Variants in PLCB1 observed in about 807,000 individuals in gnomAD.
PLCB1 encodes the protein 1-phosphatidylinositol 4,5-bisphosphate phosphodiesterase beta-1.
Under a neutral mutation model 161.8 loss-of-function variants are expected in PLCB1, and 46 were observed. The ratio of observed to expected loss-of-function variants is 0.28; its 90% CI spans 0.22 to 0.36. The LOEUF (loss-of-function observed/expected upper bound fraction) is 0.36, where lower values mean the gene tolerates loss of function less well. Ranked by LOEUF, PLCB1 falls within the 10% of genes least tolerant of loss-of-function variation. The probability of loss-of-function intolerance (pLI) is 1.00; values close to 1 mark genes in which losing one functional copy is unlikely to be tolerated. For synonymous variants in PLCB1, 517 were observed against 503.7 expected, an observed-to-expected ratio of 1.03 and a Z score of -0.35; for missense variants, 1,016 against 1,472.5, an observed-to-expected ratio of 0.69 and a Z score of 5.07.
intron 3 of PLCB1, 159 bp downstream of exon 3, chr20:8,371,609 G>A (rs1484744691): frequency 1.6e-5 from 8 of 496,120 alleles, no homozygotes; most frequent in African/African-American, 7.9e-5. Context: ...ATTAAAAGAC[G>A]GAAACAATGA....
chr20:8,781,972 G>C (rs1008363162), intron 27 of PLCB1, among the ~76,000 whole-genome samples: 3 of 152,090 alleles, frequency 2.0e-5, no homozygotes, highest in Admixed American at 6.6e-5. Flanking sequence ...GCCAAACCAT[G>C]TCAGGTGGCA....
chr20:8,172,244 G>A (rs1382349095), intron 2 of PLCB1, among the ~76,000 whole-genome samples: 1 of 152,172 alleles, frequency 6.6e-6, no homozygotes, highest in African/African-American at 2.4e-5. Context: ...AGAGTGATGA[G>A]AAGAGTTCAG....
intron 11 of PLCB1, among the ~76,000 whole-genome samples, chr20:8,707,928 T>C (rs1216556130): frequency 6.6e-6 from 1 of 152,176 alleles, no homozygotes. Flanking sequence ...CAAACAACCA[T>C]ATATTGTATG....
intron 2 of PLCB1, among the ~76,000 whole-genome samples, chr20:8,230,022 C>T (rs1480973976): frequency 7.9e-6 from 1 of 126,262 alleles, no homozygotes; most frequent in Non-Finnish European, 1.6e-5. Context: ...CATCACCACA[C>T]TTCAGCCTCG....
intron 2 of PLCB1, among the ~76,000 whole-genome samples, chr20:8,292,859 T>A (rs938884001): frequency 1.3e-5 from 2 of 152,192 alleles, no homozygotes; most frequent in Non-Finnish European, 2.9e-5. Context: ...AATTAACATA[T>A]GTAAAACTCC....
chr20:8,782,365 C>G (rs1005063945), intron 27 of PLCB1, among the ~76,000 whole-genome samples: 3 of 152,088 alleles, frequency 2.0e-5, no homozygotes, highest in African/African-American at 7.2e-5. Flanking sequence ...GGTCACACTC[C>G]CATATAAACA....
intron 31 of PLCB1, among the ~76,000 whole-genome samples, chr20:8,838,976 C>T (rs1986395330): frequency 4.6e-5 from 7 of 152,336 alleles, no homozygotes; most frequent in Admixed American, 4.6e-4. Context: ...TACACCTACA[C>T]CGTCCTACAT....
intron 9 of PLCB1, among the ~76,000 whole-genome samples, chr20:8,673,311 C>T (rs1277984924): frequency 6.6e-6 from 1 of 152,130 alleles, no homozygotes; most frequent in African/African-American, 2.4e-5. Context: ...ATGTGCAATA[C>T]CTTGAAGTAC....
chr20:8,328,973 A>G (rs1410313208), intron 2 of PLCB1, among the ~76,000 whole-genome samples: 1 of 152,228 alleles, frequency 6.6e-6, no homozygotes, highest in Admixed American at 6.5e-5. Context: ...TTCAGAATCA[A>G]TTACTGATGC....
rs913534649 is a variant in PLCB1 at position 8,684,951 on chromosome 20, G to A, written c.882G>A (p.Gly294=). The change falls in exon 10 of 32, where the codon GGG becomes GGA. Residue 294 remains glycine, a synonymous_variant. Coordinates refer to ENST00000338037, the MANE Select transcript of PLCB1 (RefSeq NM_015192.4). ...LARKGQISVD[G]FMRYLSGEEN... ...CTCCAGGACAAATATCAGTGGATGGGTTCATGCGCTATCTGAGTGGAGAAG... is the reference window on the plus strand; with the variant it reads ...CTCCAGGACAAATATCAGTGGATGGATTCATGCGCTATCTGAGTGGAGAAG... 1.2e-6 allele frequency: 2 copies of A among 1,613,782 alleles called. No homozygotes were observed. The highest frequency in any genetic ancestry group is 3.3e-5 in the Admixed American group (2 of 60,002).
rs185374573 is a variant in PLCB1, at chr20:8,136,484, G to A, written c.99+3734G>A. 2.5e-3 allele frequency among the ~76,000 whole-genome samples: 381 copies of A among 152,136 alleles called. 1 individual carries two copies. The highest frequency in any genetic ancestry group is 8.4e-3 in the African/African-American group (350 of 41,492). On this transcript the variant is annotated intron_variant, in intron 1 of 31. Coordinates refer to ENST00000338037, the MANE Select transcript of PLCB1 (RefSeq NM_015192.4). ...TACTAAAAATACAAAAAATTAGCCG[G>A]GCGTGGTGGCGGGCGCCTGTAGTCC...
At chr20:8,234,681 T>C (rs942879229) in intron 2 of PLCB1, among the ~76,000 whole-genome samples, 2 of 152,152 alleles carry the variant, frequency 1.3e-5, no homozygotes, top group African/African-American at 4.8e-5. Context: ...GATTTCTTTT[T>C]TTGCCTCTAT....
At chr20:8,475,297 C>A (rs1185319058) in intron 3 of PLCB1, among the ~76,000 whole-genome samples, 3 of 151,968 alleles carry the variant, frequency 2.0e-5, no homozygotes, top group Non-Finnish European at 4.4e-5. Flanking sequence ...TCAGGAGATA[C>A]CCTGGCAGCC....
At chr20:8,429,581 A>G (rs1020407784) in intron 3 of PLCB1, among the ~76,000 whole-genome samples, 7 of 152,002 alleles carry the variant, frequency 4.6e-5, no homozygotes, top group Non-Finnish European at 1.0e-4. Context: ...GGTTTGTAAA[A>G]CTTCAGTTAC....
At chr20:8,709,653 G>A (rs1978884749) in intron 12 of PLCB1, among the ~76,000 whole-genome samples, 1 of 152,166 alleles carries the variant, frequency 6.6e-6, no homozygotes, top group African/African-American at 2.4e-5. Flanking sequence ...AGATCTTAAA[G>A]ATGCAGATTG....
intron 7 of PLCB1, among the ~76,000 whole-genome samples, chr20:8,656,737 A>T (rs1989467744): frequency 6.6e-6 from 1 of 151,336 alleles, no homozygotes; most frequent in African/African-American, 2.4e-5. Context: ...CATTTTGACT[A>T]TGTCTGTCTC....
intron 3 of PLCB1, among the ~76,000 whole-genome samples, chr20:8,481,736 A>C (rs1386800501): frequency 1.3e-5 from 2 of 152,188 alleles, no homozygotes; most frequent in Non-Finnish European, 2.9e-5. Flanking sequence ...CCTTCACCTG[A>C]ATAATATAAT....
intron 2 of PLCB1, among the ~76,000 whole-genome samples, chr20:8,325,238 C>T (rs915497091): frequency 9.2e-5 from 14 of 152,136 alleles, no homozygotes; most frequent in Non-Finnish European, 1.2e-4. Context: ...TTTTAGATTT[C>T]AAGTTCCAGG....
intron 2 of PLCB1, among the ~76,000 whole-genome samples, chr20:8,368,921 T>A (rs1829679637): frequency 6.7e-6 from 1 of 149,150 alleles, no homozygotes; most frequent in African/African-American, 2.5e-5. Context: ...CATCCTTGTG[T>A]ACTGGCTGAA....
Sources: allele counts gnomAD v4.1 joint callset (sites outside exome capture counted in the v4.1 genomes callset), GRCh38; gene constraint gnomAD v4.1.1; transcripts MANE v1.5; gene names NCBI Gene and HGNC (gene_info 2026-07-23, HGNC 2026-07-21).